The following RBFOX1 variants were observed in gnomAD, a reference collection of about 807,000 sequenced individuals.
RBFOX1 encodes the protein RNA binding fox-1 homolog 1, also known as RNA binding protein fox-1 homolog 1.
A neutral mutation model predicts 57.7 loss-of-function variants in RBFOX1; 8 were observed. The ratio of observed to expected loss-of-function variants is 0.14; its 90% CI spans 0.08 to 0.25. The LOEUF (loss-of-function observed/expected upper bound fraction) is 0.25. Among genes scored for constraint, RBFOX1 ranks in the 10% least tolerant of loss-of-function variants. The probability of loss-of-function intolerance (pLI) is 1.00; values close to 1 mark genes in which losing one functional copy is unlikely to be tolerated. For synonymous variants in RBFOX1, 326 were observed against 222.4 expected, an observed-to-expected ratio of 1.47 and a Z score of -4.15; for missense variants, 611 against 548.5, an observed-to-expected ratio of 1.11 and a Z score of -1.14.
rs367593803 is a variant in RBFOX1, at chr16:5,479,844, C to T, written c.258+12590C>T. ...GTGTCCTTGGACTTCTTAAAACATT[C>T]CTTAAGCTCCAATTTGCTTCCTGTT... On this transcript the variant is annotated intron_variant, in intron 2 of 2. Transcript: ENST00000585867. 5.3e-5 allele frequency among the ~76,000 whole-genome samples: 8 copies of T among 152,148 alleles called. No individual in the cohort carries two copies. The East Asian group carries it at 1.2e-3, about 22-fold the overall frequency.
intron 2 of RBFOX1, among the ~76,000 whole-genome samples, chr16:6,333,181 A>G (rs1194744812): frequency 2.0e-5 from 3 of 152,124 alleles, no homozygotes; most frequent in African/African-American, 7.2e-5. Context: ...CTGGGACTAC[A>G]GTCATGTGCC....
intron 1 of RBFOX1, among the ~76,000 whole-genome samples, chr16:6,213,298 G>T (rs2097310594): frequency 6.6e-6 from 1 of 151,998 alleles, no homozygotes; most frequent in South Asian, 2.1e-4. Flanking sequence ...ATGCTTCATT[G>T]AGGTATCAGC....
intron 3 of RBFOX1, among the ~76,000 whole-genome samples, chr16:6,988,731 ATTTTTT>A (rs111959126): frequency 2.2e-5 from 2 of 91,302 alleles, no homozygotes; most frequent in Admixed American, 1.1e-4. Context: ...CACCCAGCTA[ATTTTTT>A]TTTTTGTTTG....
chr16:6,238,022 C>T (rs189374108), intron 1 of RBFOX1, among the ~76,000 whole-genome samples: 1 of 138,654 alleles, frequency 7.2e-6, no homozygotes. Flanking sequence ...ACCTGGGAGG[C>T]AGAGATTGCA....
chr16:7,072,171 T>C (rs1306871080), intron 4 of RBFOX1, among the ~76,000 whole-genome samples: 1 of 152,230 alleles, frequency 6.6e-6, no homozygotes, highest in Non-Finnish European at 1.5e-5. Flanking sequence ...TAATTATTAA[T>C]AGCACTTTCT....
At chr16:6,158,105 C>G (rs1597885861) in intron 1 of RBFOX1, among the ~76,000 whole-genome samples, 2 of 152,158 alleles carry the variant, frequency 1.3e-5, no homozygotes, top group East Asian at 1.9e-4. Context: ...AACCCGAACG[C>G]TTTTACAAAA....
At chr16:7,494,278 C>A (rs957439424) in intron 4 of RBFOX1, among the ~76,000 whole-genome samples, 1 of 152,140 alleles carries the variant, frequency 6.6e-6, no homozygotes, top group Non-Finnish European at 1.5e-5. Context: ...TTAGGTGATT[C>A]AGAACCAAAG....
chr16:6,010,606 G>A (rs1346307484), intron 4 of RBFOX1, among the ~76,000 whole-genome samples: 1 of 152,190 alleles, frequency 6.6e-6, no homozygotes, highest in Non-Finnish European at 1.5e-5. Context: ...AGTGTCCGCT[G>A]ATTAATGAGC....
intron 4 of RBFOX1, among the ~76,000 whole-genome samples, chr16:7,057,960 A>G (rs902856130): frequency 1.4e-5 from 2 of 144,228 alleles, no homozygotes; most frequent in African/African-American, 5.0e-5. Context: ...GTGAGCAGAG[A>G]TCATGCCACT....
chr16:6,114,218 A>T (rs2096475283), intron 1 of RBFOX1, among the ~76,000 whole-genome samples: 1 of 152,198 alleles, frequency 6.6e-6, no homozygotes, highest in Admixed American at 6.5e-5. Flanking sequence ...TCTTGGATGA[A>T]TATTATTTCC....
intron 4 of RBFOX1, among the ~76,000 whole-genome samples, chr16:7,113,267 A>G (rs2065175917): frequency 6.6e-6 from 1 of 152,168 alleles, no homozygotes; most frequent in Non-Finnish European, 1.5e-5. Context: ...TGTACCTCTG[A>G]GTCATTTTGG....
chr16:5,964,735 C>G (rs1217926788), intron 4 of RBFOX1, among the ~76,000 whole-genome samples: 3 of 151,456 alleles, frequency 2.0e-5, no homozygotes, highest in African/African-American at 7.3e-5. Context: ...CACACAATGA[C>G]TCTTAGGTTA....
chr16:6,969,886 G>T (rs984712409), intron 3 of RBFOX1, among the ~76,000 whole-genome samples: 1 of 152,160 alleles, frequency 6.6e-6, no homozygotes, highest in African/African-American at 2.4e-5. Context: ...GGTATGCAAT[G>T]TTGTGTCACT....
intron 1 of RBFOX1, among the ~76,000 whole-genome samples, chr16:6,159,332 C>T (rs1458009295): frequency 1.3e-5 from 2 of 152,226 alleles, no homozygotes; most frequent in African/African-American, 4.8e-5. Context: ...CCGCCTCGGC[C>T]TCCCAAAGTG....
intron 4 of RBFOX1, among the ~76,000 whole-genome samples, chr16:7,320,367 T>A (rs1018648039): frequency 6.6e-6 from 1 of 152,208 alleles, no homozygotes; most frequent in African/African-American, 2.4e-5. Flanking sequence ...CTCAGGTTAA[T>A]GGCTTCCAGC....
At chr16:6,864,496 A>G (rs1001360783) in intron 3 of RBFOX1, among the ~76,000 whole-genome samples, 3 of 152,032 alleles carry the variant, frequency 2.0e-5, no homozygotes, top group Non-Finnish European at 4.4e-5. Context: ...ATTAACACAT[A>G]AAAACGTTAA....
intron 4 of RBFOX1, among the ~76,000 whole-genome samples, chr16:7,402,463 C>G (rs1227121078): frequency 1.3e-5 from 2 of 152,190 alleles, no homozygotes; most frequent in African/African-American, 2.4e-5. Context: ...CATCCTCTTG[C>G]ATTTGAGAAT....
intron 4 of RBFOX1, among the ~76,000 whole-genome samples, chr16:7,107,778 A>G (rs1373051241): frequency 1.3e-5 from 2 of 152,130 alleles, no homozygotes; most frequent in East Asian, 3.9e-4. Flanking sequence ...GAATAAAAGT[A>G]TTCTAATCTT....
chr16:5,623,150 A>G (rs2048248954), intron 3 of RBFOX1, among the ~76,000 whole-genome samples: 1 of 152,166 alleles, frequency 6.6e-6, no homozygotes, highest in East Asian at 1.9e-4. Context: ...GGCTTAGTCT[A>G]AAGAAAGCCA....
Sources: gnomAD v4.1 joint callset for allele counts (sites outside exome capture counted in the v4.1 genomes callset) on GRCh38, gnomAD v4.1.1 for gene constraint, MANE v1.5 for transcripts, NCBI Gene and HGNC (gene_info 2026-07-23, HGNC 2026-07-21) for gene names.